Variants in THG1L observed in about 807,000 individuals in gnomAD.
The protein encoded by THG1L is probable tRNA(His) guanylyltransferase.
A neutral mutation model predicts 35.2 loss-of-function variants in THG1L; 27 were observed. The ratio of observed to expected loss-of-function variants is 0.77; its 90% confidence interval spans 0.57 to 1.06. THG1L has a LOEUF of 1.06. Among genes scored for constraint, THG1L ranks in the 50% least tolerant of loss-of-function variants. THG1L has a pLI of 0.00. For missense variants in THG1L, 377 were observed against 371.8 expected (o/e 1.01, Z -0.12); for synonymous variants, 135 against 132.4 (o/e 1.02, Z -0.14).
At chr5:157,737,833 C>T in intron 4 of THG1L, 54 bp from the exon 5 acceptor site, 1 of 1,428,448 alleles carries the variant, frequency 7.0e-7, no homozygotes. Context: ...GATAGTAGCA[C>T]TAGGGGAGAA....
chr5:157,737,873 T>C lies in THG1L; in HGVS notation c.628-14T>C, dbSNP rs767736125. The C allele has an allele frequency of 1.2e-6, 2 of 1,604,548 alleles. No homozygotes were observed. The highest frequency in any genetic ancestry group is 3.4e-5 in the Admixed American group (2 of 58,806). On this transcript the variant is annotated splice_polypyrimidine_tract_variant and intron_variant, in intron 4 of 5. Transcript: ENST00000231198. ...GACATGCAGAGCTTTTAATATCTATTTTTATTTTCTCAGGGAACTCTTGCA... is the reference window on the plus strand; with the variant it reads ...GACATGCAGAGCTTTTAATATCTATCTTTATTTTCTCAGGGAACTCTTGCA...
rs1016534197 is a variant in THG1L at position 157,731,766 on chromosome 5, G to A, written c.191+135G>A. 2.6e-6 allele frequency: 3 copies of A among 1,148,028 alleles called. No homozygotes were observed. The African/African-American group carries it at 4.6e-5, about 18-fold the overall frequency. 71.1% of individuals were successfully genotyped at this position (1,148,028 alleles called of 1,614,324 possible). On this transcript the variant is annotated intron_variant, in intron 1 of 5. Transcript: ENST00000231198. ...CGGTAGCCAATGAGTGCGCAGCATG[G>A]AGCATTGCCCCGCCCTGCGTGTTGG...
chr5:157,738,632 T>G (rs755449614), intron 5 of THG1L: 1 of 434,106 alleles, frequency 2.3e-6, no homozygotes, highest in Admixed American at 2.7e-5. Context: ...TACCAAGGAG[T>G]ACCTTGAGAG....
chr5:157,739,869 GT>G lies in THG1L; in HGVS notation c.*389del, dbSNP rs1760989113. On this transcript the variant is annotated 3_prime_UTR_variant, in exon 6 of 6. Coordinates refer to ENST00000231198, the MANE Select transcript of THG1L (RefSeq NM_017872.5). ...GAGGAGCCCAAACTCTCGCCCACCT[GT>G]TCTTAACCAGAAAACCCACTGACTT... 1 of 155,552 alleles carries G rather than the reference GT, an allele frequency of 6.4e-6. No homozygotes were observed. The highest frequency in any genetic ancestry group is 1.9e-4 in the East Asian group (1 of 5,350). The allele number at this position is 155,552 out of a possible 1,614,324, so 9.6% of individuals were successfully genotyped here.
At chr5:157,731,878 T>C (rs1241638914) in intron 1 of THG1L, among the ~76,000 whole-genome samples, 1 of 152,230 alleles carries the variant, frequency 6.6e-6, no homozygotes, top group East Asian at 1.9e-4. Context: ...AGTGCCCGTG[T>C]TAAGTGAACA....
At chr5:157,735,065 G>C (rs1697373758) in intron 3 of THG1L, among the ~76,000 whole-genome samples, 1 of 151,800 alleles carries the variant, frequency 6.6e-6, no homozygotes, top group Admixed American at 6.6e-5. Context: ...AGCCTCCCGA[G>C]TAGCTGGGAT....
At chr5:157,739,228 T>C in intron 5 of THG1L, 93 bp from the exon 6 acceptor site, 2 of 1,248,510 alleles carry the variant, frequency 1.6e-6, no homozygotes, top group Non-Finnish European at 2.2e-6. Context: ...CGGAAGTATA[T>C]GAAGATAAAA....
chr5:157,731,760 A>C, intron 1 of THG1L, 129 bp downstream of exon 1: 1 of 1,180,324 alleles, frequency 8.5e-7, no homozygotes, highest in South Asian at 1.5e-5. Flanking sequence ...ATGAGTGCGC[A>C]GCATGGAGCA....
At position 157,734,674 on chromosome 5, in the gene THG1L, T is replaced by C. The variant is rs766039630; in HGVS notation, c.467T>C (p.Phe156Ser). 2 of 1,614,168 alleles carry C rather than the reference T, an allele frequency of 1.2e-6. No individual in the cohort carries two copies. The highest frequency in any genetic ancestry group is 2.2e-5 in the South Asian group (2 of 91,080). ...CAGCCCCTTCTGTATCCCCCAGGCT[T>C]TGACGGAAGAGTCGTGGTGTATCCC... ...EDQPLLYPPG[F>S]DGRVVVYPSN... Residue 156 changes from phenylalanine to serine, a missense_variant, in exon 3 of 6, where the codon TTT becomes TCT. Transcript: ENST00000231198.
intron 5 of THG1L, among the ~76,000 whole-genome samples, chr5:157,738,425 C>G (rs1192733413): frequency 6.6e-6 from 1 of 152,152 alleles, no homozygotes; most frequent in African/African-American, 2.4e-5. Flanking sequence ...TTGTTATTTT[C>G]GTAAATGTCA....
Position 157,734,696 on chromosome 5 carries a change from T to A in THG1L, c.489T>A (p.Tyr163Ter). The change falls in exon 3 of 6, where the codon TAT becomes TAA. Residue 163 changes from tyrosine (Y) to a stop codon, truncating the protein, a stop_gained. Transcript: ENST00000231198. LOFTEE classifies it high-confidence loss of function. ...PPGFDGRVVVYPSNQTLKDYL... is the reference protein window; with the variant it reads ...PPGFDGRVVV ...GCTTTGACGGAAGAGTCGTGGTGTA[T>A]CCCAGCAACCAGACTTTAAAGGACT... 1 of 1,614,060 alleles carries A rather than the reference T, an allele frequency of 6.2e-7. No individual in the cohort carries two copies. The highest frequency in any genetic ancestry group is 2.2e-5 in the East Asian group (1 of 44,862).
At chr5:157,739,093 T>C (rs1212742520) in intron 5 of THG1L, among the ~76,000 whole-genome samples, 1 of 152,136 alleles carries the variant, frequency 6.6e-6, no homozygotes, top group Admixed American at 6.5e-5. Flanking sequence ...TTTTTAAAAC[T>C]ATTTTTAATT....
Position 157,731,503 on chromosome 5 carries a change from A to T in THG1L, c.63A>T (p.Arg21Ser). ...TGGCCACCATTTCCATCACTCTGAGACGGTACCTGAGATTGGGGGCGACCA... is the reference window on the plus strand; with the variant it reads ...TGGCCACCATTTCCATCACTCTGAGTCGGTACCTGAGATTGGGGGCGACCA... ...DSLATISITLRRYLRLGATMA... is the reference protein window; with the variant it reads ...DSLATISITLSRYLRLGATMA... Residue 21 changes from arginine to serine, a missense_variant, in exon 1 of 6, where the codon AGA becomes AGT. Coordinates refer to ENST00000231198, the MANE Select transcript of THG1L (RefSeq NM_017872.5). The T allele has an allele frequency of 6.2e-7, 1 of 1,612,940 alleles. No homozygotes were observed. Among genetic ancestry groups the T allele is most frequent in the Non-Finnish European group, 8.5e-7 (1 of 1,179,464 alleles).
intron 2 of THG1L, 130 bp from the exon 3 acceptor site, chr5:157,734,446 C>A: frequency 9.4e-7 from 1 of 1,058,830 alleles, no homozygotes; most frequent in Non-Finnish European, 1.4e-6. Flanking sequence ...TAGCCAAATG[C>A]ATTTTATCTC....
chr5:157,737,229 G>A (rs1012363757), intron 4 of THG1L, among the ~76,000 whole-genome samples: 6 of 152,126 alleles, frequency 3.9e-5, no homozygotes, highest in African/African-American at 9.7e-5. Flanking sequence ...GGTGGTTCAC[G>A]CATGTAATCC....
chr5:157,740,014 G>C lies in THG1L; in HGVS notation c.*532G>C. ...TCAGGAATTGCAGGGAAAACTCGGG[G>C]CTTTGTGCCAGTCTCTAAGTTGGCA... On this transcript the variant is annotated 3_prime_UTR_variant, in exon 6 of 6. Coordinates refer to ENST00000231198, the MANE Select transcript of THG1L (RefSeq NM_017872.5). 6.6e-6 allele frequency: 1 copy of C among 152,334 alleles called. No homozygotes were observed. The highest frequency in any genetic ancestry group is 6.5e-5 in the Admixed American group (1 of 15,300). 9.4% of individuals were successfully genotyped at this position (152,334 alleles called of 1,614,324 possible). A position where few individuals can be genotyped will look rare whatever the true frequency, so the allele number is the denominator to read the frequency against.
rs116444885 is a variant in THG1L at position 157,738,482 on chromosome 5, T to C, written c.735+488T>C. On this transcript the variant is annotated intron_variant, in intron 5 of 5. Coordinates refer to ENST00000231198, the MANE Select transcript of THG1L (RefSeq NM_017872.5). ...ACTTAGCTTAATATTCTGTAATAAG[T>C]CTGTACATTTACCTATATCCTTAAT... 1.6e-3 allele frequency: 547 copies of C among 347,640 alleles called. 3 individuals are homozygous for C. Among genetic ancestry groups the C allele is most frequent in the African/African-American group, 0.011 (511 of 45,712 alleles). The allele number at this position is 347,640 out of a possible 1,614,324, so 21.5% of individuals were successfully genotyped here.
In THG1L at chr5:157,735,953, A is replaced by T. The variant is rs112092561; in HGVS notation, c.627+19A>T. The T allele has an allele frequency of 3.0e-3, 4,501 of 1,513,362 alleles. 113 individuals carry two copies. In the African/African-American group the frequency reaches 0.054, roughly 18 times the overall value. The allele number at this position is 1,513,362 out of a possible 1,614,324, so 93.7% of individuals were successfully genotyped here. On this transcript the variant is annotated intron_variant, in intron 4 of 5. Coordinates refer to ENST00000231198, the MANE Select transcript of THG1L (RefSeq NM_017872.5). ...ATTACAGGTATAAAGATCTTACTAC[A>T]TTAATACTTAACTGGGGACAGTTCG...
At chr5:157,734,525 C>G (rs190184496) in intron 2 of THG1L, 51 bp from the exon 3 acceptor site, 2 of 1,602,892 alleles carry the variant, frequency 1.2e-6, no homozygotes, top group East Asian at 4.5e-5. Context: ...TGAACTAATT[C>G]CGTGTATTTT....
Sources: gnomAD v4.1 joint callset for allele counts (sites outside exome capture counted in the v4.1 genomes callset) on GRCh38, gnomAD v4.1.1 for gene constraint, MANE v1.5 for transcripts, NCBI Gene and HGNC (gene_info 2026-07-23, HGNC 2026-07-21) for gene names.